The following PHTF1 variants were observed in gnomAD, a reference collection of about 807,000 sequenced individuals.
PHTF1 encodes putative homeodomain transcription factor 1, also known as protein PHTF1.
PHTF1 carries 88 observed loss-of-function variants against 102.4 expected under a neutral mutation model. That is an observed-to-expected ratio of 0.86 (90% CI 0.72 to 1.03). The LOEUF is 1.03. Among genes scored for constraint, PHTF1 ranks in the 50% least tolerant of loss-of-function variants. The pLI, the probability that PHTF1 is intolerant of heterozygous loss-of-function variation, is 0.00. For synonymous variants in PHTF1, 289 were observed against 305.2 expected (o/e 0.95, Z 0.55); for missense variants, 814 against 909.5 (o/e 0.89, Z 1.35).
At chr1:113,718,511 AC>A (rs1018466475) in intron 7 of PHTF1, among the ~76,000 whole-genome samples, 1 of 151,972 alleles carries the variant, frequency 6.6e-6, no homozygotes, top group African/African-American at 2.4e-5. Context: ...GGGGGCTCCG[AC>A]CCCACCTTTT....
chr1:113,727,561 C>A (rs1214772243), intron 5 of PHTF1, among the ~76,000 whole-genome samples: 13 of 152,176 alleles, frequency 8.5e-5, no homozygotes, highest in African/African-American at 2.9e-4. Context: ...TTGGCACAGA[C>A]ACAATAAGCT....
chr1:113,744,186 T>C (rs375929567), intron 3 of PHTF1, among the ~76,000 whole-genome samples: 1 of 152,210 alleles, frequency 6.6e-6, no homozygotes, highest in East Asian at 1.9e-4. Context: ...TCCCCAGCTG[T>C]AGGCTGTACG....
intron 3 of PHTF1, among the ~76,000 whole-genome samples, chr1:113,741,610 G>C (rs1238009426): frequency 6.6e-6 from 1 of 152,132 alleles, no homozygotes; most frequent in Non-Finnish European, 1.5e-5. Context: ...TACAGAGTTA[G>C]AATTAGCATT....
intron 3 of PHTF1, among the ~76,000 whole-genome samples, chr1:113,754,778 C>A (rs1203271141): frequency 6.6e-6 from 1 of 152,042 alleles, no homozygotes; most frequent in African/African-American, 2.4e-5. Context: ...ACTCAAAAAC[C>A]ATTAAAACCT....
chr1:113,715,367 A>G (rs1651824466), intron 7 of PHTF1, among the ~76,000 whole-genome samples: 1 of 152,074 alleles, frequency 6.6e-6, no homozygotes, highest in South Asian at 2.1e-4. Flanking sequence ...CAAAATAGCT[A>G]TTTTTAGCCA....
intron 11 of PHTF1, among the ~76,000 whole-genome samples, chr1:113,708,868 C>T (rs1650620756): frequency 6.6e-6 from 1 of 152,114 alleles, no homozygotes; most frequent in South Asian, 2.1e-4. Flanking sequence ...TGATACTATG[C>T]ATAACTACTG....
intron 3 of PHTF1, chr1:113,749,394 TTC>T (rs1237784778): frequency 6.6e-6 from 1 of 152,178 alleles, no homozygotes; most frequent in Non-Finnish European, 1.5e-5. Context: ...TATCCTTAGG[TTC>T]TCTTTGGTTA....
chr1:113,699,892 G>A (rs1030927988), intron 16 of PHTF1, 93 bp from the exon 17 acceptor site: 9 of 702,642 alleles, frequency 1.3e-5, no homozygotes, highest in African/African-American at 1.3e-4. Context: ...ATGTTTTCAA[G>A]TAAAATAAAT....
chr1:113,758,263 C>A (rs1390454390), intron 2 of PHTF1, among the ~76,000 whole-genome samples: 2 of 141,886 alleles, frequency 1.4e-5, no homozygotes, highest in Non-Finnish European at 3.1e-5. Flanking sequence ...AAATCCACTT[C>A]TTAAGGAAAA....
At chr1:113,752,878 T>C (rs1658304272) in intron 3 of PHTF1, among the ~76,000 whole-genome samples, 1 of 152,238 alleles carries the variant, frequency 6.6e-6, no homozygotes, top group African/African-American at 2.4e-5. Flanking sequence ...TTGTTCCTGA[T>C]TTTAGGGGAA....
intron 14 of PHTF1, 35 bp from the exon 15 acceptor site, chr1:113,704,202 T>C (rs753979986): frequency 7.2e-7 from 1 of 1,396,624 alleles, no homozygotes; most frequent in Non-Finnish European, 1.0e-6. Context: ...ATGTTTTAGT[T>C]ACTGGCAGAC....
chr1:113,721,288 T>C (rs1652900872), intron 7 of PHTF1, among the ~76,000 whole-genome samples: 1 of 152,144 alleles, frequency 6.6e-6, no homozygotes. Context: ...GAAAAAGCAT[T>C]TGATAACATT....
chr1:113,709,153 T>C (rs534951660), intron 11 of PHTF1, among the ~76,000 whole-genome samples: 25 of 152,168 alleles, frequency 1.6e-4, no homozygotes, highest in African/African-American at 5.3e-4. Flanking sequence ...GGAGGATCAC[T>C]TGAGCTGGAG....
intron 11 of PHTF1, 68 bp from the exon 12 acceptor site, chr1:113,706,790 G>T: frequency 8.5e-7 from 1 of 1,177,420 alleles, no homozygotes; most frequent in Non-Finnish European, 1.2e-6. Flanking sequence ...TCTTTCCCAG[G>T]CTCCATTCAT....
chr1:113,700,030 A>G (rs113351237), intron 16 of PHTF1: 6 of 1,072,262 alleles, frequency 5.6e-6, no homozygotes, highest in African/African-American at 3.3e-5. Flanking sequence ...AGCAATTTAA[A>G]TATCAAAACA....
At chr1:113,750,353 T>C (rs541305065) in intron 3 of PHTF1, among the ~76,000 whole-genome samples, 1 of 152,264 alleles carries the variant, frequency 6.6e-6, no homozygotes, top group Admixed American at 6.5e-5. Flanking sequence ...AAATAAAACA[T>C]TATAAATACA....
chr1:113,758,003 T>C lies in PHTF1; in HGVS notation c.46-248A>G, dbSNP rs542194240. 2.0e-5 allele frequency among the ~76,000 whole-genome samples: 3 copies of C among 152,260 alleles called. No individual in the cohort carries two copies. The East Asian group carries it at 5.8e-4, about 29-fold the overall frequency. On this transcript the variant is annotated intron_variant, in intron 2 of 18. Coordinates refer to ENST00000369604, the MANE Select transcript of PHTF1 (RefSeq NM_001323043.2). ...CAAATTAATATTACCTTAAAAGATA[T>C]TTCCACTTCTTGGGCGGGCATGGTG...
At chr1:113,706,262 T>G in intron 12 of PHTF1, 100 bp from the exon 13 acceptor site, 1 of 999,478 alleles carries the variant, frequency 1.0e-6, no homozygotes, top group Non-Finnish European at 1.5e-6. Flanking sequence ...AAACACATTC[T>G]AAAAGTATAA....
intron 6 of PHTF1, chr1:113,725,620 A>C (rs1475992956): frequency 1.3e-5 from 2 of 152,234 alleles, no homozygotes; most frequent in African/African-American, 2.4e-5. Context: ...TAATCGATTA[A>C]AATATAACAT....
Sources: gnomAD v4.1 joint callset for allele counts (sites outside exome capture counted in the v4.1 genomes callset) on GRCh38, gnomAD v4.1.1 for gene constraint, MANE v1.5 for transcripts, NCBI Gene and HGNC (gene_info 2026-07-23, HGNC 2026-07-21) for gene names.